The following ASAH2B variants were observed in gnomAD, a reference collection of about 807,000 sequenced individuals.
The protein encoded by ASAH2B is putative inactive neutral ceramidase B.
A neutral mutation model predicts 2.9 loss-of-function variants in ASAH2B; 1 was observed. The observed-to-expected ratio is 0.34, with a 90% confidence interval of 0.12 to 1.63. The LOEUF is 1.63. Ranked by LOEUF, ASAH2B falls within the 40% of genes most tolerant of loss-of-function variation. The pLI is 0.36. For synonymous variants in ASAH2B, 4 were observed against 13.3 expected, an observed-to-expected ratio of 0.30 and a Z score of 1.52; for missense variants, 9 against 37.7, an observed-to-expected ratio of 0.24 and a Z score of 1.99.
At chr10:50,752,845 G>A (rs1165614349) in intron 5 of ASAH2B, among the ~76,000 whole-genome samples, 2 of 112,130 alleles carry the variant, frequency 1.8e-5, no homozygotes, top group African/African-American at 5.6e-5. Context: ...GGTATTATTT[G>A]TAAAATCTAA....
At chr10:50,746,001 A>C (rs1839899814) in intron 3 of ASAH2B, among the ~76,000 whole-genome samples, 1 of 151,450 alleles carries the variant, frequency 6.6e-6, no homozygotes, top group South Asian at 2.1e-4. Flanking sequence ...TTGTGAGAAA[A>C]TTTGAGACTT....
Position 50,757,353 on chromosome 10 carries a change from A to G in ASAH2B, c.*2613A>G, listed in dbSNP as rs183445348. The G allele has an allele frequency of 1.3e-5, 2 of 151,930 alleles. No homozygotes were observed. The highest frequency in any genetic ancestry group is 1.3e-4 in the Admixed American group (2 of 15,232). 9.4% of individuals were successfully genotyped at this position (151,930 alleles called of 1,614,324 possible). On this transcript the variant is annotated 3_prime_UTR_variant, in exon 6 of 6. Coordinates refer to ENST00000647317, the MANE Select transcript of ASAH2B (RefSeq NM_001321958.2). ...ACCACTTCTTTATCAGTTCCTTTCT[A>G]ACTTCTGAAGATGTACTGCTGGTAA...
intron 3 of ASAH2B, among the ~76,000 whole-genome samples, chr10:50,746,921 G>A (rs1839916089): frequency 6.7e-6 from 1 of 149,994 alleles, no homozygotes; most frequent in African/African-American, 2.5e-5. Flanking sequence ...TGGATGCATA[G>A]TTTGCAAGTG....
chr10:50,743,259 A>G (rs1839860296), intron 2 of ASAH2B, among the ~76,000 whole-genome samples: 1 of 151,758 alleles, frequency 6.6e-6, no homozygotes, highest in African/African-American at 2.4e-5. Flanking sequence ...GTATTTTCTC[A>G]CTATTTTTAC....
Position 50,758,722 on chromosome 10 carries a change from A to G in ASAH2B, c.*3982A>G, listed in dbSNP as rs1299165206. ...TTTATATCAAGCACCTATATACTTT[A>G]TGGCAGAAATTATGCTAAATCCTAA... On this transcript the variant is annotated 3_prime_UTR_variant, in exon 6 of 6. Transcript: ENST00000647317. 2.0e-5 allele frequency: 3 copies of G among 152,140 alleles called. No homozygotes were observed. Among genetic ancestry groups the G allele is most frequent in the Non-Finnish European group, 4.4e-5 (3 of 67,980 alleles). 9.4% of individuals were successfully genotyped at this position (152,140 alleles called of 1,614,324 possible).
chr10:50,741,982 TG>T, intron 1 of ASAH2B, among the ~76,000 whole-genome samples: 1 of 152,274 alleles, frequency 6.6e-6, no homozygotes, highest in South Asian at 2.1e-4. Flanking sequence ...GGGTGAAGGC[TG>T]GGAGGAGGGA....
intron 1 of ASAH2B, among the ~76,000 whole-genome samples, chr10:50,741,483 A>G (rs558329629): frequency 1.9e-4 from 29 of 152,314 alleles, no homozygotes; most frequent in African/African-American, 6.5e-4. Flanking sequence ...AAATAAAGAG[A>G]AAGAGCACCA....
intron 1 of ASAH2B, among the ~76,000 whole-genome samples, chr10:50,740,274 C>T (rs1839808836): frequency 6.6e-6 from 1 of 151,940 alleles, no homozygotes; most frequent in Non-Finnish European, 1.5e-5. Flanking sequence ...TCTGTTGACC[C>T]CAAATTGTGC....
chr10:50,747,218 C>T (rs1245008034), intron 3 of ASAH2B, among the ~76,000 whole-genome samples: 2 of 150,698 alleles, frequency 1.3e-5, no homozygotes, highest in East Asian at 3.9e-4. Flanking sequence ...TCCAGTTTTC[C>T]CAGCAGCATT....
At chr10:50,741,541 A>T (rs1839831341) in intron 1 of ASAH2B, among the ~76,000 whole-genome samples, 1 of 152,250 alleles carries the variant, frequency 6.6e-6, no homozygotes, top group Admixed American at 6.5e-5. Flanking sequence ...AAGATGTAAC[A>T]TCTGTATGAG....
chr10:50,756,464 C>A lies in ASAH2B; in HGVS notation c.*1724C>A, dbSNP rs1837091997. On this transcript the variant is annotated 3_prime_UTR_variant, in exon 6 of 6. Coordinates refer to ENST00000647317, the MANE Select transcript of ASAH2B (RefSeq NM_001321958.2). The stretch of plus-strand genomic sequence containing the variant: ...AAAGAACAAGTGATCCTGAAAGTAG[C>A]TGATTCCAGACAAGAAAATTATATT... 6.6e-6 allele frequency: 1 copy of A among 151,950 alleles called. No homozygotes were observed. Among genetic ancestry groups the A allele is most frequent in the African/African-American group, 2.4e-5 (1 of 41,432 alleles). The allele number at this position is 151,950 out of a possible 1,614,324, so 9.4% of individuals were successfully genotyped here.
At position 50,755,772 on chromosome 10, in the gene ASAH2B, A is replaced by G. The variant is rs1264404951; in HGVS notation, c.*1032A>G. On this transcript the variant is annotated 3_prime_UTR_variant, in exon 6 of 6. Coordinates refer to ENST00000647317, the MANE Select transcript of ASAH2B (RefSeq NM_001321958.2). ...AGTGCCTAGGCCTTGATAATTAGTG[A>G]ATTTGTACTTGGGGTGAATGTGTAA... The G allele has an allele frequency of 2.6e-4, 39 of 150,960 alleles. No homozygotes were observed. Among genetic ancestry groups the G allele is most frequent in the Admixed American group, 2.1e-3 (32 of 14,992 alleles). 9.4% of individuals were successfully genotyped at this position (150,960 alleles called of 1,614,324 possible).
Position 50,758,011 on chromosome 10 carries a change from G to T in ASAH2B, c.*3271G>T, listed in dbSNP as rs1026913198. The T allele has an allele frequency of 6.6e-6, 1 of 151,310 alleles. No individual in the cohort carries two copies. The allele number at this position is 151,310 out of a possible 1,614,324, so 9.4% of individuals were successfully genotyped here. On this transcript the variant is annotated 3_prime_UTR_variant, in exon 6 of 6. Transcript: ENST00000647317. ...ATAATTGAATGCGGCAGCAAAATGG[G>T]AGGAGAGAGTTCTCTTTATAATCCC...
At chr10:50,747,825 C>T (rs1839930345) in intron 3 of ASAH2B, among the ~76,000 whole-genome samples, 1 of 151,712 alleles carries the variant, frequency 6.6e-6, no homozygotes, top group Non-Finnish European at 1.5e-5. Context: ...CTACTCATGT[C>T]CATGAGGGAT....
chr10:50,746,759 G>A (rs1298487663), intron 3 of ASAH2B, among the ~76,000 whole-genome samples: 8 of 150,656 alleles, frequency 5.3e-5, no homozygotes, highest in African/African-American at 1.7e-4. Context: ...CACTGATATT[G>A]AACATTTAAA....
At position 50,754,997 on chromosome 10, in the gene ASAH2B, A is replaced by G. The variant is rs1837056495; in HGVS notation, c.*257A>G. On this transcript the variant is annotated 3_prime_UTR_variant, in exon 6 of 6. Transcript: ENST00000647317. ...CCATATATCTTGTTCCAGCAGCCAT[A>G]TATCTTGTGGTCTACAGCCTAAAGC... 1 of 451,808 alleles carries G rather than the reference A, an allele frequency of 2.2e-6. No homozygotes were observed. Among genetic ancestry groups the G allele is most frequent in the South Asian group, 2.4e-5 (1 of 41,424 alleles). 28.0% of individuals were successfully genotyped at this position (451,808 alleles called of 1,614,324 possible).
At position 50,742,903 on chromosome 10, in the gene ASAH2B, C is replaced by A; in HGVS notation, c.-99-12C>A. 6.2e-7 allele frequency: 1 copy of A among 1,613,748 alleles called. No individual in the cohort carries two copies. ...GCAGAACCATATACAACTCTCCCTG[C>A]CTTTCCTGCAGGCTCAGCGATATGA... On this transcript the variant is annotated splice_polypyrimidine_tract_variant and intron_variant, in intron 1 of 5. Transcript: ENST00000647317.
chr10:50,743,526 C>CT (rs1839865000), intron 2 of ASAH2B: 1 of 153,270 alleles, frequency 6.5e-6, no homozygotes, highest in Non-Finnish European at 1.4e-5. Context: ...TAGTAGCATG[C>CT]TTTTACTTTC....
In ASAH2B at chr10:50,758,940, G is replaced by A. The variant is rs1837149423; in HGVS notation, c.*4200G>A. Reference sequence around the variant, plus strand: ...GTTTCCTGGAAGAAATAACATATAAGCTAAGACTTAAAAGATATGTAGAAA... The same window carrying A: ...GTTTCCTGGAAGAAATAACATATAAACTAAGACTTAAAAGATATGTAGAAA... On this transcript the variant is annotated 3_prime_UTR_variant, in exon 6 of 6. Coordinates refer to ENST00000647317, the MANE Select transcript of ASAH2B (RefSeq NM_001321958.2). The A allele has an allele frequency of 6.6e-6, 1 of 151,846 alleles. No homozygotes were observed. Among genetic ancestry groups the A allele is most frequent in the Non-Finnish European group, 1.5e-5 (1 of 67,860 alleles). 9.4% of individuals were successfully genotyped at this position (151,846 alleles called of 1,614,324 possible).
Sources: gnomAD v4.1 joint callset for allele counts (sites outside exome capture counted in the v4.1 genomes callset) on GRCh38, gnomAD v4.1.1 for gene constraint, MANE v1.5 for transcripts, NCBI Gene and HGNC (gene_info 2026-07-23, HGNC 2026-07-21) for gene names.